The following TBCD variants were observed in gnomAD, a reference collection of about 807,000 sequenced individuals.
The protein encoded by TBCD is tubulin folding cofactor D.
In TBCD, 105 loss-of-function variants were observed where a neutral mutation model predicts 169.3. That is an observed-to-expected ratio of 0.62 (90% CI 0.53 to 0.73). The LOEUF is 0.73. Ranked by LOEUF, TBCD falls within the 30% of genes least tolerant of loss-of-function variation. TBCD has a pLI of 0.00. For synonymous variants in TBCD, 700 were observed against 643.9 expected (o/e 1.09, Z -1.32); for missense variants, 1,444 against 1,600.1 (o/e 0.90, Z 1.66).
At chr17:82,907,931 C>T in intron 21 of TBCD, 110 bp downstream of exon 21, 5 of 1,192,738 alleles carry the variant, frequency 4.2e-6, no homozygotes, top group Non-Finnish European at 6.0e-6. Context: ...CCACTGTGCT[C>T]CATCAGTCCT....
chr17:82,900,013 A>C (rs2059780451), intron 17 of TBCD, among the ~76,000 whole-genome samples: 1 of 152,182 alleles, frequency 6.6e-6, no homozygotes, highest in Admixed American at 6.5e-5. Flanking sequence ...TTTTCTTAAA[A>C]GTTTTTAACA....
In TBCD at chr17:82,763,995, T is replaced by C; in HGVS notation, c.266T>C (p.Val89Ala). ...ATGATGAACTTGTTGTTGGACATAGTGCAAGATCAGACATCTCCAGCTTCC... is the reference window on the plus strand; with the variant it reads ...ATGATGAACTTGTTGTTGGACATAGCGCAAGATCAGACATCTCCAGCTTCC... The part of the protein sequence containing the change: ...EWMMNLLLDI[V>A]QDQTSPASLV... The change falls in exon 3 of 39, where the codon GTG becomes GCG. Residue 89 changes from valine (V) to alanine (A), a missense_variant. Coordinates refer to ENST00000355528, the MANE Select transcript of TBCD (RefSeq NM_005993.5). 6.2e-7 allele frequency: 1 copy of C among 1,613,948 alleles called. No individual in the cohort carries two copies. Among genetic ancestry groups the C allele is most frequent in the Non-Finnish European group, 8.5e-7 (1 of 1,179,852 alleles).
chr17:82,830,791 C>G (rs1374744239), intron 13 of TBCD: 2 of 1,613,622 alleles, frequency 1.2e-6, no homozygotes, highest in Non-Finnish European at 1.7e-6. Context: ...CATCCCGGAG[C>G]TGTCGTCCGG....
At chr17:82,820,291 T>C (rs2052307890) in intron 13 of TBCD, among the ~76,000 whole-genome samples, 1 of 152,246 alleles carries the variant, frequency 6.6e-6, no homozygotes. Context: ...TGTACTATTT[T>C]GATAAAATGT....
intron 14 of TBCD, among the ~76,000 whole-genome samples, chr17:82,883,367 C>T (rs1032703607): frequency 3.9e-5 from 6 of 152,260 alleles, no homozygotes; most frequent in African/African-American, 1.4e-4. Flanking sequence ...CTCCACCCTG[C>T]CCCAAACCCC....
intron 28 of TBCD, 187 bp from the exon 29 acceptor site, chr17:82,926,990 GGCAGAGCGT>G: frequency 1.4e-6 from 1 of 737,328 alleles, no homozygotes; most frequent in East Asian, 2.8e-5. Flanking sequence ...CCGGAGAGAC[GGCAGAGCGT>G]GACCTCGGGG....
rs1203523439 is a variant in TBCD, at chr17:82,850,206, T to TGTTGGCTGTGCTGC, written c.1319-20018_1319-20017insGTTGGCTGTGCTGC. ...GGCTGTGCTGCTGTTGGCTGTGCTG[T>TGTTGGCTGTGCTGC]TGTTGGCTGTGCTGCTGTTGGCTGT... On this transcript the variant is annotated intron_variant, in intron 13 of 38. Coordinates refer to ENST00000355528, the MANE Select transcript of TBCD (RefSeq NM_005993.5). 9.8e-4 allele frequency among the ~76,000 whole-genome samples: 21 copies of TGTTGGCTGTGCTGC among 21,444 alleles called. 1 individual carries two copies. Among genetic ancestry groups the TGTTGGCTGTGCTGC allele is most frequent in the East Asian group, 1.4e-3 (1 of 690 alleles). The allele number at this position is 21,444 out of a possible 152,430, so 14.1% of individuals were successfully genotyped here.
chr17:82,849,328 G>T (rs116281924), intron 13 of TBCD, among the ~76,000 whole-genome samples: 1 of 132,940 alleles, frequency 7.5e-6, no homozygotes, highest in South Asian at 2.4e-4. Flanking sequence ...CTGCTGCGTC[G>T]GGGCTGCCTA....
rs991978097 is a variant in TBCD, at chr17:82,930,173, G to T, written c.2992-349G>T. The T allele has an allele frequency of 3.1e-6, 1 of 319,942 alleles. No individual in the cohort carries two copies. The highest frequency in any genetic ancestry group is 2.2e-5 in the African/African-American group (1 of 46,106). The allele number at this position is 319,942 out of a possible 1,614,324, so 19.8% of individuals were successfully genotyped here. On this transcript the variant is annotated intron_variant, in intron 32 of 38. Transcript: ENST00000355528. The surrounding 1 kb of genome is among the most constrained non-coding windows in gnomAD (Gnocchi z 5.2). ...GGGCCACATGCGAGCGGGGCCCCGA[G>T]ACATTCTGCACTCGGGAATTGCGGG... is the stretch of plus-strand genomic sequence containing the variant.
Position 82,903,139 on chromosome 17 carries a change from C to T in TBCD, c.1731-266C>T, listed in dbSNP as rs962877574. ...GCGTGGGGGTGGGGAGGCCGGACACCCAATTGCCACCTGGCCCTGAGAAGG... is the reference window on the plus strand; with the variant it reads ...GCGTGGGGGTGGGGAGGCCGGACACTCAATTGCCACCTGGCCCTGAGAAGG... On this transcript the variant is annotated intron_variant, in intron 18 of 38. Transcript: ENST00000355528. The surrounding 1 kb of genome is among the most constrained non-coding windows in gnomAD (Gnocchi z 4.8). Among the ~76,000 whole-genome samples the T allele has an allele frequency of 6.6e-6, 1 of 152,112 alleles. No homozygotes were observed. Among genetic ancestry groups the T allele is most frequent in the Non-Finnish European group, 1.5e-5 (1 of 68,028 alleles).
intron 12 of TBCD, among the ~76,000 whole-genome samples, chr17:82,811,447 GT>G (rs1196426953): frequency 2.5e-4 from 38 of 152,264 alleles, no homozygotes; most frequent in African/African-American, 8.9e-4. Context: ...CTTTATTTTT[GT>G]TATTTTAATG....
chr17:82,905,898 C>T lies in TBCD; in HGVS notation c.1805-38C>T, dbSNP rs9905146. On this transcript the variant is annotated intron_variant, in intron 19 of 38. Coordinates refer to ENST00000355528, the MANE Select transcript of TBCD (RefSeq NM_005993.5). ...GCTTCCCACAGGCCGTCCACATGTA[C>T]ACACCCTCACCTGCCCTCTCGGCCC... is the stretch of plus-strand genomic sequence containing the variant. 158 of 1,542,674 alleles carry T rather than the reference C, an allele frequency of 1.0e-4. No homozygotes were observed. In the African/African-American group the frequency reaches 1.6e-3, roughly 15 times the overall value.
At position 82,831,009 on chromosome 17, in the gene TBCD, A is replaced by G. The variant is rs774072225; in HGVS notation, c.1318+16075A>G. 5.6e-6 allele frequency: 9 copies of G among 1,613,870 alleles called. No homozygotes were observed. The South Asian group carries it at 7.7e-5, about 14-fold the overall frequency. ...TTCCCTTGGAGGTTTTGAAAATGAC[A>G]TTTTCTTACCTTACTGGAGACTCTG... is the stretch of plus-strand genomic sequence containing the variant. On this transcript the variant is annotated intron_variant, in intron 13 of 38. Coordinates refer to ENST00000355528, the MANE Select transcript of TBCD (RefSeq NM_005993.5). This position sits in a 1 kb window ranked among gnomAD's most constrained non-coding sequence, Gnocchi z 4.6.
intron 35 of TBCD, chr17:82,937,836 C>T: frequency 2.0e-6 from 3 of 1,486,126 alleles, no homozygotes; most frequent in Non-Finnish European, 2.7e-6. Context: ...GGCGTCCTCA[C>T]TTCCCACAGT....
At chr17:82,901,531 G>C (rs1460998902) in intron 18 of TBCD, among the ~76,000 whole-genome samples, 1 of 150,854 alleles carries the variant, frequency 6.6e-6, no homozygotes, top group Admixed American at 6.6e-5. Flanking sequence ...CTGTGGTCCT[G>C]CTGCCTACTA....
intron 13 of TBCD, among the ~76,000 whole-genome samples, chr17:82,824,195 T>G (rs917152796): frequency 1.4e-4 from 22 of 152,086 alleles, no homozygotes; most frequent in African/African-American, 5.1e-4. Context: ...TTTTTATTTT[T>G]TTTTGAGACA....
Position 82,832,514 on chromosome 17 carries a change from G to T in TBCD, c.1318+17580G>T, listed in dbSNP as rs528968086. 4 of 1,461,210 alleles carry T rather than the reference G, an allele frequency of 2.7e-6. No individual in the cohort carries two copies. The highest frequency in any genetic ancestry group is 2.8e-5 in the African/African-American group (2 of 72,036). The allele number at this position is 1,461,210 out of a possible 1,614,324, so 90.5% of individuals were successfully genotyped here. On this transcript the variant is annotated intron_variant, in intron 13 of 38. Coordinates refer to ENST00000355528, the MANE Select transcript of TBCD (RefSeq NM_005993.5). This position sits in a 1 kb window ranked among gnomAD's most constrained non-coding sequence, Gnocchi z 4.9. Reference sequence around the variant, plus strand: ...GTGGCGTGATCACTGTCGACGCCGCGTGCACTTCGTGGTTTCTAAAGAGGC... The same window carrying T: ...GTGGCGTGATCACTGTCGACGCCGCTTGCACTTCGTGGTTTCTAAAGAGGC...
chr17:82,853,978 G>C (rs1279842685), intron 13 of TBCD, among the ~76,000 whole-genome samples: 1 of 151,962 alleles, frequency 6.6e-6, no homozygotes, highest in Admixed American at 6.6e-5. Flanking sequence ...TGTTGGTTTG[G>C]AATCATCTAT....
At chr17:82,844,206 CGTGTGTGTGT>C (rs769300875) in intron 13 of TBCD, among the ~76,000 whole-genome samples, 2 of 127,408 alleles carry the variant, frequency 1.6e-5, no homozygotes, top group Non-Finnish European at 3.2e-5. Context: ...GGATGTTCTC[CGTGTGTGTGT>C]GTGTGTGTGT....
Sources: allele counts gnomAD v4.1 joint callset (sites outside exome capture counted in the v4.1 genomes callset), GRCh38; gene constraint gnomAD v4.1.1; non-coding constraint Gnocchi (gnomAD v3.1); transcripts MANE v1.5; gene names NCBI Gene and HGNC (gene_info 2026-07-23, HGNC 2026-07-21).